The following PIK3C2G variants were observed in gnomAD, a reference collection of about 807,000 sequenced individuals.
PIK3C2G encodes the protein phosphatidylinositol 3-kinase C2 domain-containing subunit gamma.
PIK3C2G carries 168 observed loss-of-function variants against 181.1 expected under a neutral mutation model. That is an observed-to-expected ratio of 0.93 (90% CI 0.82 to 1.05). The LOEUF (loss-of-function observed/expected upper bound fraction) is 1.05, where lower values mean the gene tolerates loss of function less well. PIK3C2G is among the 50% of genes least tolerant of loss of function. The pLI is 0.00. For synonymous variants in PIK3C2G, 573 were observed against 592.2 expected (o/e 0.97, Z 0.47); for missense variants, 1,869 against 1,732.8 (o/e 1.08, Z -1.40).
At chr12:18,670,294 GCA>G in the PIK3C2G span, among the ~76,000 whole-genome samples, 865 of 150,108 alleles carry the variant, frequency 5.8e-3, 4 homozygotes, top group African/African-American at 0.019. Flanking sequence ...ACACATATGC[GCA>G]CACACACACA....
chr12:18,397,444 A>C (rs1417565289), intron 15 of PIK3C2G, among the ~76,000 whole-genome samples: 1 of 152,056 alleles, frequency 6.6e-6, no homozygotes, highest in Non-Finnish European at 1.5e-5. Flanking sequence ...GAAATCATGC[A>C]AATGAATCTA....
At chr12:18,662,052 C>T in the PIK3C2G span, among the ~76,000 whole-genome samples, 4 of 152,086 alleles carry the variant, frequency 2.6e-5, no homozygotes, top group African/African-American at 4.8e-5. Context: ...CGTGTTCTCC[C>T]GTATTAAGTA....
chr12:18,370,296 G>T (rs1941955779), intron 12 of PIK3C2G, among the ~76,000 whole-genome samples: 2 of 152,068 alleles, frequency 1.3e-5, no homozygotes, highest in African/African-American at 4.8e-5. Flanking sequence ...ATATATTGAT[G>T]ATTTCAACCC....
At chr12:18,262,196 C>T (rs1009175291) in intron 1 of PIK3C2G, among the ~76,000 whole-genome samples, 2 of 152,082 alleles carry the variant, frequency 1.3e-5, no homozygotes, top group Admixed American at 1.3e-4. Context: ...CAATGTGAAC[C>T]TATTGTGTGT....
intron 29 of PIK3C2G, among the ~76,000 whole-genome samples, chr12:18,581,387 T>C (rs1203558131): frequency 2.0e-5 from 3 of 152,214 alleles, no homozygotes; most frequent in South Asian, 2.1e-4. Flanking sequence ...AGCTGAGTCA[T>C]TGATACCAAA....
intron 13 of PIK3C2G, among the ~76,000 whole-genome samples, chr12:18,373,823 A>T (rs894078469): frequency 5.3e-5 from 8 of 152,092 alleles, no homozygotes; most frequent in Admixed American, 1.3e-4. Context: ...ACTGCACTCC[A>T]GCCTGGGCGA....
intron 25 of PIK3C2G, among the ~76,000 whole-genome samples, chr12:18,544,289 G>A (rs1944312117): frequency 6.6e-6 from 1 of 151,798 alleles, no homozygotes; most frequent in African/African-American, 2.4e-5. Context: ...GATTATAAAA[G>A]ACATTTGTGA....
At chr12:18,335,087 G>T (rs891996868) in intron 8 of PIK3C2G, among the ~76,000 whole-genome samples, 1 of 151,982 alleles carries the variant, frequency 6.6e-6, no homozygotes, top group African/African-American at 2.4e-5. Context: ...CTTACTCAAG[G>T]GCTGAGTAGA....
Position 18,573,929 on chromosome 12 carries a change from A to T in PIK3C2G, c.4011+6872A>T, listed in dbSNP as rs116005397. The stretch of plus-strand genomic sequence containing the variant: ...CTCTGAGAATAGCCTAGAAAATTGA[A>T]GGGAAATGCTAAACCCTAATTCTGT... On this transcript the variant is annotated intron_variant, in intron 29 of 32. Transcript: ENST00000538779. 5.9e-3 allele frequency among the ~76,000 whole-genome samples: 894 copies of T among 152,326 alleles called. 5 individuals carry two copies. Among genetic ancestry groups the T allele is most frequent in the African/African-American group, 0.02 (849 of 41,582 alleles).
At chr12:18,272,318 A>C (rs1948777242) in intron 1 of PIK3C2G, among the ~76,000 whole-genome samples, 1 of 152,104 alleles carries the variant, frequency 6.6e-6, no homozygotes, top group Admixed American at 6.6e-5. Context: ...TTAAATCTAG[A>C]GGCTTAATCA....
At chr12:18,388,730 A>T (rs898181940) in intron 14 of PIK3C2G, among the ~76,000 whole-genome samples, 2 of 152,264 alleles carry the variant, frequency 1.3e-5, no homozygotes, top group African/African-American at 4.8e-5. Context: ...TCCCGTGAGC[A>T]GTGCCAAGTA....
At chr12:18,286,038 T>A (rs1949430030) in intron 2 of PIK3C2G, among the ~76,000 whole-genome samples, 1 of 151,842 alleles carries the variant, frequency 6.6e-6, no homozygotes, top group Non-Finnish European at 1.5e-5. Flanking sequence ...ATTATTAATA[T>A]CAGAAAAAGT....
At chr12:18,248,861 C>T (rs1948068290) in intron 1 of PIK3C2G, among the ~76,000 whole-genome samples, 1 of 152,194 alleles carries the variant, frequency 6.6e-6, no homozygotes, top group Non-Finnish European at 1.5e-5. Flanking sequence ...GGTTGTTTTA[C>T]CCTCTGTACT....
At chr12:18,400,961 C>A (rs926043857) in intron 16 of PIK3C2G, among the ~76,000 whole-genome samples, 1 of 151,958 alleles carries the variant, frequency 6.6e-6, no homozygotes, top group African/African-American at 2.4e-5. Context: ...TCTTCTCTGA[C>A]CTTGCCATGT....
At chr12:18,290,174 G>T (rs943293688) in intron 3 of PIK3C2G, among the ~76,000 whole-genome samples, 1 of 151,974 alleles carries the variant, frequency 6.6e-6, no homozygotes, top group African/African-American at 2.4e-5. Flanking sequence ...AAAAAAATTG[G>T]TCAAATAACT....
intron 18 of PIK3C2G, among the ~76,000 whole-genome samples, chr12:18,480,242 G>A (rs71461094): frequency 6.6e-6 from 1 of 152,172 alleles, no homozygotes; most frequent in South Asian, 2.1e-4. Flanking sequence ...ACGGAGTGTA[G>A]TGGGGGAGGG....
chr12:18,498,726 T>C (rs1298394959), intron 22 of PIK3C2G, among the ~76,000 whole-genome samples: 1 of 152,126 alleles, frequency 6.6e-6, no homozygotes. Context: ...CACCTCCAAA[T>C]TCACTCGCCA....
intron 5 of PIK3C2G, among the ~76,000 whole-genome samples, chr12:18,308,241 C>T (rs541807888): frequency 2.0e-5 from 3 of 151,846 alleles, no homozygotes; most frequent in African/African-American, 7.2e-5. Context: ...TAAAAAACAG[C>T]AGAGATTTAA....
intron 25 of PIK3C2G, among the ~76,000 whole-genome samples, chr12:18,541,112 A>G (rs1269423694): frequency 2.6e-5 from 4 of 151,966 alleles, no homozygotes; most frequent in African/African-American, 9.7e-5. Context: ...AAAAGAATTC[A>G]GTCTACTTAC....
Sources: gnomAD v4.1 joint callset for allele counts (sites outside exome capture counted in the v4.1 genomes callset) on GRCh38, gnomAD v4.1.1 for gene constraint, MANE v1.5 for transcripts, NCBI Gene and HGNC (gene_info 2026-07-23, HGNC 2026-07-21) for gene names.